ZC3H13: variants seen among roughly 807,000 people sequenced by gnomAD.
ZC3H13 encodes zinc finger CCCH domain-containing protein 13.
A neutral mutation model predicts 204.1 loss-of-function variants in ZC3H13; 64 were observed. That is an observed-to-expected ratio of 0.31 (90% confidence interval 0.26 to 0.39). The LOEUF (loss-of-function observed/expected upper bound fraction) is 0.39. ZC3H13 is among the 10% of genes least tolerant of loss of function. ZC3H13 has a pLI of 1.00. For synonymous variants in ZC3H13, 667 were observed against 693.7 expected, an observed-to-expected ratio of 0.96 and a Z score of 0.60; for missense variants, 1,833 against 2,082.7, an observed-to-expected ratio of 0.88 and a Z score of 2.33.
At chr13:45,995,013 A>G (rs1226588408) in intron 8 of ZC3H13, among the ~76,000 whole-genome samples, 1 of 57,968 alleles carries the variant, frequency 1.7e-5, no homozygotes, top group African/African-American at 1.0e-4. Flanking sequence ...ACTATCAGTG[A>G]AAAAAAAAAA....
At chr13:45,958,416 T>A (rs1012192411) in intron 18 of ZC3H13, among the ~76,000 whole-genome samples, 1 of 152,222 alleles carries the variant, frequency 6.6e-6, no homozygotes, top group Admixed American at 6.5e-5. Context: ...AGTCCTCAAC[T>A]GAAATGCTTT....
Position 46,032,986 on chromosome 13 carries a change from T to G in ZC3H13, c.339+9178A>C, listed in dbSNP as rs1188941954. Among the ~76,000 whole-genome samples, 15 of 148,026 alleles carry G rather than the reference T, an allele frequency of 1.0e-4. No individual in the cohort carries two copies. In the East Asian group the frequency reaches 3.2e-3, roughly 32 times the overall value. ...TTTGTGTGCATATATATGTAAATAT[T>G]AAATATATATATGTGTGTATTAAAA... On this transcript the variant is annotated intron_variant, in intron 4 of 18. Coordinates refer to ENST00000679008, the MANE Select transcript of ZC3H13 (RefSeq NM_001330564.2).
chr13:46,005,088 A>G (rs1051038457), intron 7 of ZC3H13, among the ~76,000 whole-genome samples: 2 of 152,204 alleles, frequency 1.3e-5, no homozygotes, highest in Non-Finnish European at 2.9e-5. Flanking sequence ...AAAGAAAATC[A>G]AATTTTTTAC....
intron 9 of ZC3H13, among the ~76,000 whole-genome samples, chr13:45,988,196 G>T (rs1375495239): frequency 6.6e-6 from 1 of 152,148 alleles, no homozygotes; most frequent in Non-Finnish European, 1.5e-5. Context: ...CTAAGAATCA[G>T]ATGGCCAAAA....
chr13:46,027,597 C>A (rs965303797), intron 4 of ZC3H13, among the ~76,000 whole-genome samples: 2 of 152,156 alleles, frequency 1.3e-5, no homozygotes, highest in Admixed American at 1.3e-4. Flanking sequence ...TAGTACCAAA[C>A]CCAGTGGGTT....
At chr13:46,016,866 AT>A (rs754776991) in intron 5 of ZC3H13, among the ~76,000 whole-genome samples, 4 of 152,154 alleles carry the variant, frequency 2.6e-5, no homozygotes, top group Non-Finnish European at 4.4e-5. Context: ...CAATAAATAA[AT>A]ACCTTAAGAA....
intron 4 of ZC3H13, among the ~76,000 whole-genome samples, chr13:46,040,213 G>A (rs1272196675): frequency 6.6e-6 from 1 of 152,120 alleles, no homozygotes; most frequent in East Asian, 1.9e-4. Flanking sequence ...AAACTGTATT[G>A]TAAGAAATAA....
chr13:45,999,435 C>T (rs992309821), intron 8 of ZC3H13, among the ~76,000 whole-genome samples: 1 of 152,220 alleles, frequency 6.6e-6, no homozygotes, highest in African/African-American at 2.4e-5. Context: ...AGCATCTTCA[C>T]CAGGAGTAGA....
At chr13:46,052,321 G>GT (rs2044522195) in intron 1 of ZC3H13, 83 bp downstream of exon 1, 1 of 309,090 alleles carries the variant, frequency 3.2e-6, no homozygotes, top group African/African-American at 2.4e-5. Context: ...AAGCAAAGAC[G>GT]GGGGGGGGTA....
chr13:46,003,520 C>T (rs1224550316), intron 7 of ZC3H13, among the ~76,000 whole-genome samples, 184 bp from the exon 8 acceptor site: 1 of 151,918 alleles, frequency 6.6e-6, no homozygotes, highest in African/African-American at 2.4e-5. Flanking sequence ...TTACTTGATA[C>T]TTATTTTGTT....
rs187969327 is a variant in ZC3H13, at chr13:45,959,732, A to C, written c.4676-86T>G. 4.0e-3 allele frequency: 5,328 copies of C among 1,346,610 alleles called. 11 individuals carry two copies. The highest frequency in any genetic ancestry group is 4.7e-3 in the Non-Finnish European group (4,844 of 1,031,576). 83.4% of individuals were successfully genotyped at this position (1,346,610 alleles called of 1,614,324 possible). A position where few individuals can be genotyped will look rare whatever the true frequency, so the allele number is the denominator to read the frequency against. ...CTTAACTGAATATTCTACAAATTTT[A>C]TACTTTATTAAAGTTAGCAACATTG... is the stretch of plus-strand genomic sequence containing the variant. On this transcript the variant is annotated intron_variant, in intron 17 of 18. Coordinates refer to ENST00000679008, the MANE Select transcript of ZC3H13 (RefSeq NM_001330564.2).
intron 10 of ZC3H13, among the ~76,000 whole-genome samples, chr13:45,982,428 T>G (rs368241556): frequency 1.3e-5 from 2 of 151,502 alleles, no homozygotes; most frequent in Admixed American, 6.6e-5. Context: ...AGATGAAAAA[T>G]TTGAAAGTTA....
chr13:46,045,486 C>T lies in ZC3H13; in HGVS notation c.22G>A (p.Val8Ile). 6.2e-7 allele frequency: 1 copy of T among 1,613,990 alleles called. No homozygotes were observed. The highest frequency in any genetic ancestry group is 1.1e-5 in the South Asian group (1 of 91,074). Reference protein sequence around the residue: MSKIRRKVTVENTKTISD... With the variant: MSKIRRKITVENTKTISD... Reference sequence around the variant, plus strand: ...ATAGTCTTGGTATTTTCCACTGTGACCTTCCTTCTAATTTTTGACATTTTG... The same window carrying T: ...ATAGTCTTGGTATTTTCCACTGTGATCTTCCTTCTAATTTTTGACATTTTG... Residue 8 changes from valine (V) to isoleucine (I), a missense_variant, in exon 2 of 19, where the codon GTC becomes ATC. Coordinates refer to ENST00000679008, the MANE Select transcript of ZC3H13 (RefSeq NM_001330564.2).
chr13:45,999,042 A>C (rs1375757835), intron 8 of ZC3H13, among the ~76,000 whole-genome samples: 1 of 152,216 alleles, frequency 6.6e-6, no homozygotes, highest in Middle Eastern at 3.2e-3. Flanking sequence ...GTTCAAGATC[A>C]GTCTGGACAA....
At chr13:45,959,340 G>A (rs1332945688) in intron 18 of ZC3H13, 143 bp downstream of exon 18, 1 of 730,140 alleles carries the variant, frequency 1.4e-6, no homozygotes, top group Admixed American at 4.0e-5. Context: ...CATTTTAATG[G>A]CATTCTTCTT....
At chr13:45,974,290 C>G (rs1316123340) in intron 12 of ZC3H13, among the ~76,000 whole-genome samples, 1 of 152,088 alleles carries the variant, frequency 6.6e-6, no homozygotes, top group African/African-American at 2.4e-5. Flanking sequence ...TAATGAGAGC[C>G]CCAACTCAGA....
intron 12 of ZC3H13, among the ~76,000 whole-genome samples, chr13:45,974,136 T>A (rs1040622963): frequency 2.0e-5 from 3 of 152,228 alleles, no homozygotes; most frequent in Admixed American, 2.0e-4. Flanking sequence ...TAAACCACAG[T>A]GTTTATCCCA....
chr13:46,026,355 TAA>T (rs777631937), intron 4 of ZC3H13, among the ~76,000 whole-genome samples: 4 of 151,844 alleles, frequency 2.6e-5, no homozygotes, highest in Non-Finnish European at 5.9e-5. Context: ...GGATATGGAG[TAA>T]AAGAGACAGA....
intron 10 of ZC3H13, among the ~76,000 whole-genome samples, chr13:45,982,720 A>G (rs529366328): frequency 1.3e-4 from 20 of 152,326 alleles, no homozygotes; most frequent in Non-Finnish European, 2.2e-4. Flanking sequence ...AAATGCTCCA[A>G]TAAGCATTTC....
Sources: allele counts gnomAD v4.1 joint callset (sites outside exome capture counted in the v4.1 genomes callset), GRCh38; gene constraint gnomAD v4.1.1; transcripts MANE v1.5; gene names NCBI Gene and HGNC (gene_info 2026-07-23, HGNC 2026-07-21).